SEMA6D: variants seen among roughly 807,000 people sequenced by gnomAD.
The protein encoded by SEMA6D is semaphorin 6D, also known as semaphorin-6D.
A neutral mutation model predicts 106.6 loss-of-function variants in SEMA6D; 35 were observed. The observed-to-expected ratio is 0.33, with a 90% confidence interval of 0.25 to 0.44. The LOEUF (loss-of-function observed/expected upper bound fraction) is 0.44, where lower values mean the gene tolerates loss of function less well. SEMA6D is among the 20% of genes least tolerant of loss of function. The pLI, the probability that SEMA6D is intolerant of heterozygous loss-of-function variation, is 1.00. For synonymous variants in SEMA6D, 499 were observed against 487.7 expected, an observed-to-expected ratio of 1.02 and a Z score of -0.31; for missense variants, 1,185 against 1,345.9, an observed-to-expected ratio of 0.88 and a Z score of 1.87.
At chr15:47,227,473 TC>T (rs368486633) in intron 1 of SEMA6D, among the ~76,000 whole-genome samples, 1 of 98,168 alleles carries the variant, frequency 1.0e-5, no homozygotes, top group African/African-American at 4.6e-5. Context: ...TCTTTTTCTT[TC>T]TCTTTCTTTT....
At chr15:47,721,735 C>T (rs1018567654) in intron 1 of SEMA6D, among the ~76,000 whole-genome samples, 18 of 152,122 alleles carry the variant, frequency 1.2e-4, no homozygotes, top group Non-Finnish European at 2.4e-4. Context: ...ATCAGTGGTC[C>T]ACACAGATAC....
At chr15:47,765,449 T>C in intron 13 of SEMA6D, 1 of 996,108 alleles carries the variant, frequency 1.0e-6, no homozygotes, top group Non-Finnish European at 1.2e-6. Context: ...TTCCTTCCTA[T>C]CTTTAATAAG....
intron 4 of SEMA6D, among the ~76,000 whole-genome samples, chr15:47,686,115 G>C (rs745780215): frequency 6.6e-6 from 1 of 152,128 alleles, no homozygotes; most frequent in South Asian, 2.1e-4. Flanking sequence ...ATGCATTCCT[G>C]TGCAGTGGCA....
intron 1 of SEMA6D, among the ~76,000 whole-genome samples, chr15:47,190,523 T>C (rs1438104634): frequency 6.6e-6 from 1 of 152,214 alleles, no homozygotes; most frequent in Non-Finnish European, 1.5e-5. Flanking sequence ...TCCCATACTA[T>C]GTTATTAGCT....
chr15:47,354,192 TC>T (rs2038452391), intron 1 of SEMA6D, among the ~76,000 whole-genome samples: 1 of 13,326 alleles, frequency 7.5e-5, no homozygotes, highest in Non-Finnish European at 1.7e-4. Context: ...TCTCTCTCTC[TC>T]TCTCTCTATA....
Position 47,724,799 on chromosome 15 carries a change from T to G in SEMA6D, c.-55+7107T>G, listed in dbSNP as rs555714409. 1.3e-4 allele frequency among the ~76,000 whole-genome samples: 20 copies of G among 152,342 alleles called. No homozygotes were observed. The East Asian group carries it at 3.5e-3, about 26-fold the overall frequency. Reference sequence around the variant, plus strand: ...TACTTAGCCATTCAGCAGATGGCCCTACAGCTTAAGCCATCAGAATGAATA... The same window carrying G: ...TACTTAGCCATTCAGCAGATGGCCCGACAGCTTAAGCCATCAGAATGAATA... On this transcript the variant is annotated intron_variant, in intron 1 of 18. Coordinates refer to ENST00000536845, the MANE Select transcript of SEMA6D (RefSeq NM_001358351.3).
At chr15:47,254,353 A>ATATAT (rs1555411061) in intron 1 of SEMA6D, among the ~76,000 whole-genome samples, 2 of 147,668 alleles carry the variant, frequency 1.4e-5, no homozygotes, top group East Asian at 2.0e-4. Flanking sequence ...ATATATATAT[A>ATATAT]AATGATTGTG....
intron 3 of SEMA6D, among the ~76,000 whole-genome samples, chr15:47,499,919 A>G (rs777469087): frequency 5.4e-5 from 7 of 129,318 alleles, no homozygotes; most frequent in Admixed American, 2.8e-4. Flanking sequence ...CAGTACTCCT[A>G]CCCATGGAGG....
At chr15:47,207,381 T>A (rs1489199857) in intron 1 of SEMA6D, among the ~76,000 whole-genome samples, 1 of 152,086 alleles carries the variant, frequency 6.6e-6, no homozygotes, top group Non-Finnish European at 1.5e-5. Context: ...TTCTGGGTTT[T>A]AAAAAATCAT....
chr15:47,354,578 C>A (rs684298), intron 1 of SEMA6D, among the ~76,000 whole-genome samples: 12 of 149,454 alleles, frequency 8.0e-5, no homozygotes, highest in Admixed American at 6.7e-4. Flanking sequence ...TATATATATA[C>A]ACACACATAT....
chr15:47,472,920 G>A (rs1380092457), intron 3 of SEMA6D, among the ~76,000 whole-genome samples: 1 of 152,170 alleles, frequency 6.6e-6, no homozygotes, highest in African/African-American at 2.4e-5. Flanking sequence ...GCAGATAATA[G>A]AGCAAATGAC....
intron 1 of SEMA6D, among the ~76,000 whole-genome samples, chr15:47,189,675 T>TC (rs969800177): frequency 7.2e-5 from 11 of 152,322 alleles, no homozygotes; most frequent in African/African-American, 2.6e-4. Flanking sequence ...GACTTTTTTT[T>TC]CCAGACATCT....
In SEMA6D at chr15:47,464,969, G is replaced by A. The variant is rs543854441; in HGVS notation, c.-158-5505G>A. On this transcript the variant is annotated intron_variant, in intron 2 of 19. Transcript: ENST00000558014. ...GTAATTTCACAAGTTTGCCATATAT[G>A]TATGAATCCCAGTGATAAATTAAAG... Among the ~76,000 whole-genome samples, 342 of 152,202 alleles carry A rather than the reference G, an allele frequency of 2.2e-3. 2 individuals carry two copies. Among genetic ancestry groups the A allele is most frequent in the Middle Eastern group, 6.8e-3 (2 of 294 alleles).
intron 1 of SEMA6D, among the ~76,000 whole-genome samples, chr15:47,344,989 A>T (rs2037985817): frequency 6.6e-6 from 1 of 152,210 alleles, no homozygotes; most frequent in South Asian, 2.1e-4. Flanking sequence ...AATAAAGCTG[A>T]AACAAGTATG....
At chr15:47,555,527 T>C (rs1420306971) in intron 3 of SEMA6D, among the ~76,000 whole-genome samples, 1 of 152,130 alleles carries the variant, frequency 6.6e-6, no homozygotes, top group Non-Finnish European at 1.5e-5. Context: ...CCTGAAAAAG[T>C]AGGGTGGGAA....
At chr15:47,491,217 C>A (rs7166297) in intron 3 of SEMA6D, among the ~76,000 whole-genome samples, 52,962 of 151,992 alleles carry the variant, frequency 0.35, 9,800 homozygotes, top group African/African-American at 0.48. Context: ...GCCCACCCAC[C>A]TCAAATAACC....
rs1194852623 is a variant in SEMA6D, at chr15:47,280,513, G to A, written c.-239+96095G>A. ...TCATTAATTTTTTGAAGGGTTTTTT[G>A]TGTCTCTATTTCCTTCAGTTCTGCT... On this transcript the variant is annotated intron_variant, in intron 1 of 19. Coordinates refer to the SEMA6D transcript ENST00000558014. Among the ~76,000 whole-genome samples the A allele has an allele frequency of 2.6e-5, 3 of 116,628 alleles. No individual in the cohort carries two copies. The East Asian group carries it at 7.2e-4, about 28-fold the overall frequency. 76.5% of individuals were successfully genotyped at this position (116,628 alleles called of 152,430 possible).
chr15:47,242,209 TTAG>T (rs1325879793), intron 1 of SEMA6D, among the ~76,000 whole-genome samples: 2 of 152,160 alleles, frequency 1.3e-5, no homozygotes, highest in African/African-American at 4.8e-5. Flanking sequence ...GGGATTACTA[TTAG>T]TTGGTACAAA....
In SEMA6D at chr15:47,252,009, G is replaced by A. The variant is rs536706767; in HGVS notation, c.-239+67591G>A. Among the ~76,000 whole-genome samples the A allele has an allele frequency of 9.3e-4, 121 of 130,770 alleles. 1 individual carries two copies. Among genetic ancestry groups the A allele is most frequent in the African/African-American group, 3.4e-3 (113 of 33,474 alleles). 85.8% of individuals were successfully genotyped at this position (130,770 alleles called of 152,430 possible). A position where few individuals can be genotyped will look rare whatever the true frequency, so the allele number is the denominator to read the frequency against. ...CGGCTCACTGCAAGCTCCGCCTCCC[G>A]GGTTCACGCCATTCCCCTGCCTCAG... On this transcript the variant is annotated intron_variant, in intron 1 of 19. Transcript: ENST00000558014.
Sources: allele counts gnomAD v4.1 joint callset (sites outside exome capture counted in the v4.1 genomes callset), GRCh38; gene constraint gnomAD v4.1.1; transcripts MANE v1.5; gene names NCBI Gene and HGNC (gene_info 2026-07-23, HGNC 2026-07-21).